The following PRKACB variants were observed in gnomAD, a reference collection of about 807,000 sequenced individuals.
The protein encoded by PRKACB is cAMP-dependent protein kinase catalytic subunit beta.
Under a neutral mutation model 51.4 loss-of-function variants are expected in PRKACB, and 16 were observed. That is an observed-to-expected ratio of 0.31 (90% CI 0.21 to 0.47). The LOEUF (loss-of-function observed/expected upper bound fraction) is 0.47, where lower values mean the gene tolerates loss of function less well. PRKACB is among the 20% of genes least tolerant of loss of function. PRKACB has a pLI of 1.00. For synonymous variants in PRKACB, 147 were observed against 154.4 expected, an observed-to-expected ratio of 0.95 and a Z score of 0.35; for missense variants, 309 against 464.5, an observed-to-expected ratio of 0.67 and a Z score of 3.08.
intron 1 of PRKACB, among the ~76,000 whole-genome samples, chr1:84,165,794 T>G (rs1657245182): frequency 6.6e-6 from 1 of 151,848 alleles, no homozygotes; most frequent in Non-Finnish European, 1.5e-5. Context: ...GTGAAAAACA[T>G]TTGCTTAGAG....
chr1:84,232,703 A>C (rs528793739), intron 9 of PRKACB, among the ~76,000 whole-genome samples: 6 of 152,014 alleles, frequency 3.9e-5, no homozygotes, highest in South Asian at 4.2e-4. Context: ...TGTTGGTTTA[A>C]AGTCTGTTTT....
upstream of PRKACB, among the ~76,000 whole-genome samples, chr1:84,141,173 C>T (rs548507620): frequency 1.3e-5 from 2 of 151,880 alleles, no homozygotes; most frequent in Non-Finnish European, 2.9e-5. Context: ...TGATTACTCT[C>T]TAGTTTTAAA....
intron 2 of PRKACB, 107 bp downstream of exon 2, chr1:84,179,345 T>C: frequency 7.8e-7 from 1 of 1,284,294 alleles, no homozygotes; most frequent in Admixed American, 3.1e-5. Context: ...TCATGTGGTG[T>C]TAGTAAACAG....
At chr1:84,227,939 AAGT>A (rs1334699825) in intron 9 of PRKACB, among the ~76,000 whole-genome samples, 2 of 152,220 alleles carry the variant, frequency 1.3e-5, no homozygotes, top group Non-Finnish European at 2.9e-5. Flanking sequence ...CAGAAGAAAG[AAGT>A]AGCCTGAACA....
At chr1:84,121,655 C>G (rs958847726) in intron 1 of PRKACB, among the ~76,000 whole-genome samples, 4 of 152,090 alleles carry the variant, frequency 2.6e-5, no homozygotes, top group Non-Finnish European at 4.4e-5. Flanking sequence ...GCAAGTCTTA[C>G]AAAAGCATGT....
At position 84,087,054 on chromosome 1, in the gene PRKACB, G is replaced by A. The variant is rs537888156; in HGVS notation, c.46+8683G>A. Among the ~76,000 whole-genome samples, 35 of 152,314 alleles carry A rather than the reference G, an allele frequency of 2.3e-4. No homozygotes were observed. The Middle Eastern group carries it at 0.01, about 44-fold the overall frequency. ...AAGTAAAGGAGCCATCAAAATGTTCGCCATCAGGGCAGAGTCTTGGAAATA... is the reference window on the plus strand; with the variant it reads ...AAGTAAAGGAGCCATCAAAATGTTCACCATCAGGGCAGAGTCTTGGAAATA... On this transcript the variant is annotated intron_variant, in intron 1 of 8. Coordinates refer to the PRKACB transcript ENST00000370688.
intron 1 of PRKACB, 26 bp downstream of exon 1, chr1:84,144,574 A>G: frequency 1.3e-6 from 2 of 1,532,026 alleles, no homozygotes; most frequent in Non-Finnish European, 1.7e-6. Context: ...TAAATGATAC[A>G]TTATAACTAG....
chr1:84,215,266 C>T (rs554275190), intron 9 of PRKACB, among the ~76,000 whole-genome samples: 8 of 152,192 alleles, frequency 5.3e-5, no homozygotes, highest in Admixed American at 2.0e-4. Context: ...GTTATCAGGT[C>T]CCTGCTTGTA....
upstream of PRKACB, among the ~76,000 whole-genome samples, chr1:84,143,798 CAT>C (rs1425144276): frequency 6.6e-6 from 1 of 152,040 alleles, no homozygotes; most frequent in Non-Finnish European, 1.5e-5. Flanking sequence ...TGCTATTTCA[CAT>C]TGTTTTATTT....
At chr1:84,218,171 C>T (rs1673149945) in intron 9 of PRKACB, among the ~76,000 whole-genome samples, 1 of 152,024 alleles carries the variant, frequency 6.6e-6, no homozygotes. Context: ...TTTTCTGTTC[C>T]AGTTACTTTG....
At chr1:84,209,605 A>G (rs151292076) in intron 8 of PRKACB, among the ~76,000 whole-genome samples, 1 of 152,294 alleles carries the variant, frequency 6.6e-6, no homozygotes, top group East Asian at 1.9e-4. Flanking sequence ...ATAATATCCT[A>G]TTATTCTTTT....
At chr1:84,194,595 T>C (rs1667683014) in intron 5 of PRKACB, among the ~76,000 whole-genome samples, 1 of 152,202 alleles carries the variant, frequency 6.6e-6, no homozygotes, top group African/African-American at 2.4e-5. Context: ...AATAACACTT[T>C]GCACTTGGAA....
At chr1:84,159,303 C>A (rs570627603) in intron 1 of PRKACB, among the ~76,000 whole-genome samples, 16 of 152,082 alleles carry the variant, frequency 1.1e-4, no homozygotes, top group East Asian at 1.9e-4. Flanking sequence ...TTTACATATT[C>A]TTTAATTTCT....
At chr1:84,155,062 G>A (rs1039664594) in intron 1 of PRKACB, among the ~76,000 whole-genome samples, 6 of 151,888 alleles carry the variant, frequency 4.0e-5, no homozygotes, top group African/African-American at 1.5e-4. Flanking sequence ...TAAATAAATA[G>A]CATCTAAATT....
At chr1:84,227,835 G>T (rs1674890751) in intron 9 of PRKACB, among the ~76,000 whole-genome samples, 1 of 152,290 alleles carries the variant, frequency 6.6e-6, no homozygotes, top group East Asian at 1.9e-4. Flanking sequence ...TTATAACTAT[G>T]CACAGCAGTG....
At position 84,144,466 on chromosome 1, in the gene PRKACB, A is replaced by G. The variant is rs376000902; in HGVS notation, c.105A>G (p.Lys35=). 1.8e-5 allele frequency: 29 copies of G among 1,613,106 alleles called. No homozygotes were observed. The highest frequency in any genetic ancestry group is 2.5e-6 in the Non-Finnish European group (3 of 1,179,648). The change falls in exon 1 of 10, where the codon AAA becomes AAG. Residue 35 remains lysine, a synonymous_variant. Coordinates refer to ENST00000370685, the MANE Select transcript of PRKACB (RefSeq NM_182948.4). ...FASRLFHRHS[K]GTAHDQKTAL... is the part of the protein sequence containing the mutation. ...GCCGGTTATTTCATAGACACTCTAA[A>G]GGTACTGCACATGATCAGAAAACAG...
chr1:84,134,561 C>T (rs958446442), intron 1 of PRKACB, among the ~76,000 whole-genome samples: 2 of 151,820 alleles, frequency 1.3e-5, no homozygotes, highest in Non-Finnish European at 2.9e-5. Flanking sequence ...CTGCAAACTG[C>T]GGGACAACTA....
At chr1:84,084,773 A>G (rs932951171) in intron 1 of PRKACB, among the ~76,000 whole-genome samples, 1 of 152,166 alleles carries the variant, frequency 6.6e-6, no homozygotes, top group Non-Finnish European at 1.5e-5. Flanking sequence ...GAGTCAGGAA[A>G]TGAATACAGA....
intron 1 of PRKACB, among the ~76,000 whole-genome samples, chr1:84,135,250 C>T (rs140001649): frequency 2.3e-3 from 348 of 152,196 alleles, no homozygotes; most frequent in African/African-American, 7.9e-3. Flanking sequence ...AATATATGAA[C>T]TTAACAACAA....
Sources: gnomAD v4.1 joint callset for allele counts (sites outside exome capture counted in the v4.1 genomes callset) on GRCh38, gnomAD v4.1.1 for gene constraint, MANE v1.5 for transcripts, NCBI Gene and HGNC (gene_info 2026-07-23, HGNC 2026-07-21) for gene names.